Variants in KDM1A observed in about 807,000 individuals in gnomAD.
The protein encoded by KDM1A is lysine demethylase 1A.
KDM1A carries 49 observed loss-of-function variants against 109.4 expected under a neutral mutation model. That is an observed-to-expected ratio of 0.45 (90% CI 0.36 to 0.57). The LOEUF (loss-of-function observed/expected upper bound fraction) is 0.57. KDM1A is among the 20% of genes least tolerant of loss of function. The pLI is 0.00. For synonymous variants in KDM1A, 380 were observed against 415.4 expected (o/e 0.91, Z 1.04); for missense variants, 668 against 1,116.6 (o/e 0.60, Z 5.73).
chr1:23,059,390 AT>A, intron 9 of KDM1A: 1 of 594,730 alleles, frequency 1.7e-6, no homozygotes, highest in Admixed American at 2.1e-5. Context: ...TCTGTTTAAC[AT>A]TTATCTTTAG....
chr1:23,035,158 T>A (rs1016174830), intron 2 of KDM1A, among the ~76,000 whole-genome samples: 7 of 152,186 alleles, frequency 4.6e-5, no homozygotes, highest in Admixed American at 4.6e-4. Context: ...GTGGTAATTT[T>A]AAAAGTTTGT....
At chr1:23,069,699 C>T (rs1031663261) in intron 12 of KDM1A, among the ~76,000 whole-genome samples, 1 of 152,170 alleles carries the variant, frequency 6.6e-6, no homozygotes, top group Admixed American at 6.5e-5. Flanking sequence ...TTGGTGAAGA[C>T]CAACAAATCA....
Position 23,071,327 on chromosome 1 carries a change from A to C in KDM1A, c.1516A>C (p.Ser506Arg). The change falls in exon 13 of 21, where the codon AGC becomes CGC. Residue 506 changes from serine to arginine, a missense_variant. By Grantham distance (110) the Ser-to-Arg change is moderately radical. Coordinates refer to ENST00000400181, the MANE Select transcript of KDM1A (RefSeq NM_001009999.3). ...RDITAEFLVKSKHRDLTALCK... is the reference protein window; with the variant it reads ...RDITAEFLVKRKHRDLTALCK... The stretch of plus-strand genomic sequence containing the variant: ...TATTACTGCCGAGTTCTTAGTGAAA[A>C]GCAAACACAGGGATCTGACCGCCCT... 6.2e-7 allele frequency: 1 copy of C among 1,613,460 alleles called. No individual in the cohort carries two copies. The highest frequency in any genetic ancestry group is 8.5e-7 in the Non-Finnish European group (1 of 1,179,820).
chr1:23,066,337 CAG>C (rs1643159907), intron 10 of KDM1A, among the ~76,000 whole-genome samples: 1 of 152,162 alleles, frequency 6.6e-6, no homozygotes, highest in African/African-American at 2.4e-5. Flanking sequence ...GCTCAGCAAA[CAG>C]AGGGAAGAAA....
At chr1:23,073,240 A>G in intron 14 of KDM1A, 52 bp from the exon 15 acceptor site, 1 of 950,028 alleles carries the variant, frequency 1.1e-6, no homozygotes, top group African/African-American at 1.6e-5. Context: ...CATCACACTG[A>G]GAGAACTAGT....
Position 23,019,525 on chromosome 1 carries a change from G to T in KDM1A, c.-72G>T. ...CGCGGGCAGCGTGAAGCGAGGCGAGGCAAGGCTTTTCGGACCCACGGAGCG... is the reference window on the plus strand; with the variant it reads ...CGCGGGCAGCGTGAAGCGAGGCGAGTCAAGGCTTTTCGGACCCACGGAGCG... On this transcript the variant is annotated 5_prime_UTR_variant, in exon 1 of 21. Coordinates refer to ENST00000400181, the MANE Select transcript of KDM1A (RefSeq NM_001009999.3). 7.5e-7 allele frequency: 1 copy of T among 1,325,078 alleles called. No homozygotes were observed. Among genetic ancestry groups the T allele is most frequent in the Non-Finnish European group, 9.6e-7 (1 of 1,038,426 alleles). 82.1% of individuals were successfully genotyped at this position (1,325,078 alleles called of 1,614,324 possible).
intron 9 of KDM1A, 199 bp downstream of exon 9, chr1:23,059,366 T>C (rs1642934152): frequency 3.0e-6 from 2 of 659,382 alleles, no homozygotes; most frequent in Non-Finnish European, 5.7e-6. Flanking sequence ...ATTGTATATA[T>C]ACACATTTAC....
chr1:23,081,270 G>A (rs889523707), intron 18 of KDM1A, 176 bp from the exon 19 acceptor site: 6 of 670,856 alleles, frequency 8.9e-6, no homozygotes, highest in East Asian at 2.9e-5. Flanking sequence ...GGTGTCTGGC[G>A]ACAAAGAGTT....
In KDM1A at chr1:23,019,523, A is replaced by T. The variant is rs1641537399; in HGVS notation, c.-74A>T. 7.6e-7 allele frequency: 1 copy of T among 1,321,114 alleles called. No homozygotes were observed. Among genetic ancestry groups the T allele is most frequent in the Non-Finnish European group, 9.7e-7 (1 of 1,036,152 alleles). The allele number at this position is 1,321,114 out of a possible 1,614,324, so 81.8% of individuals were successfully genotyped here. On this transcript the variant is annotated 5_prime_UTR_variant, in exon 1 of 21. Coordinates refer to ENST00000400181, the MANE Select transcript of KDM1A (RefSeq NM_001009999.3). ...CGCGCGGGCAGCGTGAAGCGAGGCG[A>T]GGCAAGGCTTTTCGGACCCACGGAG...
In KDM1A at chr1:23,053,846, AG is replaced by A; in HGVS notation, c.790+8del. On this transcript the variant is annotated splice_region_variant and intron_variant, in intron 5 of 20. Coordinates refer to ENST00000400181, the MANE Select transcript of KDM1A (RefSeq NM_001009999.3). ...TTAGAAGCACCTTATAACAGTAAGTAGTGTGTTCAATAGGACTAATTTGTAC... is the reference window on the plus strand; with the variant it reads ...TTAGAAGCACCTTATAACAGTAAGTATGTGTTCAATAGGACTAATTTGTAC... 6.7e-7 allele frequency: 1 copy of A among 1,500,564 alleles called. No individual in the cohort carries two copies. Among genetic ancestry groups the A allele is most frequent in the Non-Finnish European group, 9.3e-7 (1 of 1,076,674 alleles). 93.0% of individuals were successfully genotyped at this position (1,500,564 alleles called of 1,614,324 possible). A position where few individuals can be genotyped will look rare whatever the true frequency, so the allele number is the denominator to read the frequency against.
At chr1:23,067,301 C>T (rs947971047) in intron 10 of KDM1A, among the ~76,000 whole-genome samples, 1 of 152,202 alleles carries the variant, frequency 6.6e-6, no homozygotes, top group Non-Finnish European at 1.5e-5. Flanking sequence ...AGGAGAGTTG[C>T]AGTCCTCTTT....
Position 23,079,701 on chromosome 1 carries a change from C to G in KDM1A, c.2170+34C>G, listed in dbSNP as rs768750773. On this transcript the variant is annotated intron_variant, in intron 18 of 20. Coordinates refer to ENST00000400181, the MANE Select transcript of KDM1A (RefSeq NM_001009999.3). The surrounding 1 kb of genome is among the most constrained non-coding windows in gnomAD (Gnocchi z 5.6). ...CTTCTAATTTTAATCTTTTCCATAT[C>G]CTTACAGGAATATAGAATTTGAAAT... The G allele has an allele frequency of 1.2e-5, 16 of 1,343,258 alleles. No homozygotes were observed. The African/African-American group carries it at 2.1e-4, about 17-fold the overall frequency. 83.2% of individuals were successfully genotyped at this position (1,343,258 alleles called of 1,614,324 possible).
At chr1:23,042,440 A>ATTTTTTT (rs769149894) in intron 2 of KDM1A, among the ~76,000 whole-genome samples, 18 of 21,560 alleles carry the variant, frequency 8.3e-4, no homozygotes, top group Admixed American at 1.2e-3. Flanking sequence ...GAAATATATT[A>ATTTTTTT]TTTTTTTTTT....
chr1:23,023,005 A>G (rs1479039700), intron 1 of KDM1A, among the ~76,000 whole-genome samples: 1 of 152,168 alleles, frequency 6.6e-6, no homozygotes, highest in Non-Finnish European at 1.5e-5. Context: ...TACTGTAGCC[A>G]TCCTATTGGG....
intron 2 of KDM1A, among the ~76,000 whole-genome samples, chr1:23,034,672 A>G (rs1490444560): frequency 6.6e-6 from 1 of 152,202 alleles, no homozygotes; most frequent in East Asian, 1.9e-4. Context: ...AAATTTTACC[A>G]GAAAAATCTT....
chr1:23,047,421 G>T (rs901291765), intron 3 of KDM1A, among the ~76,000 whole-genome samples: 3 of 152,120 alleles, frequency 2.0e-5, no homozygotes, highest in African/African-American at 7.2e-5. Context: ...AGATGGAGAA[G>T]AATATTATTC....
chr1:23,055,222 A>T (rs1642795787), intron 6 of KDM1A, 61 bp downstream of exon 6: 1 of 888,896 alleles, frequency 1.1e-6, no homozygotes, highest in Admixed American at 2.4e-5. Flanking sequence ...TCAGGACTGT[A>T]TTTTATATCT....
intron 10 of KDM1A, among the ~76,000 whole-genome samples, chr1:23,066,549 G>A (rs1415057819): frequency 2.0e-5 from 3 of 152,042 alleles, no homozygotes; most frequent in Non-Finnish European, 4.4e-5. Context: ...GCTTTAATCT[G>A]TACCATTTGC....
chr1:23,028,039 C>G lies in KDM1A; in HGVS notation c.352-2430C>G, dbSNP rs540737968. On this transcript the variant is annotated intron_variant, in intron 1 of 20. Transcript: ENST00000400181. ...CTCTTTTGTTCCTAAAGACTAAGAA[C>G]CCTTTCTAGACCACCCTTTTCCAAG... is the stretch of plus-strand genomic sequence containing the variant. Among the ~76,000 whole-genome samples the G allele has an allele frequency of 9.2e-5, 14 of 152,238 alleles. No homozygotes were observed. In the South Asian group the frequency reaches 1.9e-3, roughly 20 times the overall value.
Sources: allele counts gnomAD v4.1 joint callset (sites outside exome capture counted in the v4.1 genomes callset), GRCh38; gene constraint gnomAD v4.1.1; non-coding constraint Gnocchi (gnomAD v3.1); transcripts MANE v1.5; gene names NCBI Gene and HGNC (gene_info 2026-07-23, HGNC 2026-07-21).